The following MROH7 variants were observed in gnomAD, a reference collection of about 807,000 sequenced individuals.
The protein encoded by MROH7 is maestro heat-like repeat-containing protein family member 7.
In MROH7, 113 loss-of-function variants were observed where a neutral mutation model predicts 129.2. That is an observed-to-expected ratio of 0.87 (90% confidence interval 0.75 to 1.02). The LOEUF (loss-of-function observed/expected upper bound fraction) is 1.02. Among genes scored for constraint, MROH7 ranks in the 50% least tolerant of loss-of-function variants. The probability of loss-of-function intolerance (pLI) is 0.00; values close to 1 mark genes in which losing one functional copy is unlikely to be tolerated. For missense variants in MROH7, 1,601 were observed against 1,671.3 expected (o/e 0.96, Z 0.73); for synonymous variants, 655 against 667.9 (o/e 0.98, Z 0.30).
At chr1:54,708,923 A>T (rs574088743) in intron 22 of MROH7, 91 bp from the exon 23 acceptor site, 72 of 1,092,308 alleles carry the variant, frequency 6.6e-5, no homozygotes, top group Non-Finnish European at 9.5e-5. Context: ...ATAATGGGAA[A>T]AGCATCTCTG....
intron 17 of MROH7, among the ~76,000 whole-genome samples, chr1:54,696,402 C>T (rs1475221298): frequency 1.3e-5 from 2 of 152,150 alleles, no homozygotes; most frequent in East Asian, 3.9e-4. Flanking sequence ...TGTTATGCAA[C>T]CATCACCACC....
Position 54,653,858 on chromosome 1 carries a change from A to C in MROH7, c.932A>C (p.His311Pro). The C allele has an allele frequency of 1.9e-6, 3 of 1,613,766 alleles. No individual in the cohort carries two copies. Among genetic ancestry groups the C allele is most frequent in the Non-Finnish European group, 2.5e-6 (3 of 1,179,904 alleles). The stretch of plus-strand genomic sequence containing the variant: ...GGCTCCAGCTATGGTATCAGCCTGC[A>C]CTCCAGCACCCATGAGCCCAACTCC... ...IPGSSYGISL[H>P]SSTHEPNSTI... Residue 311 changes from histidine to proline, a missense_variant, in exon 3 of 24, where the codon CAC becomes CCC. Physicochemically the swap from His to Pro is moderately conservative, Grantham distance 77. Transcript: ENST00000421030.
At chr1:54,702,068 C>T (rs1302775975) in intron 19 of MROH7, 22 bp from the exon 20 acceptor site, 1 of 1,564,654 alleles carries the variant, frequency 6.4e-7, no homozygotes, top group African/African-American at 1.4e-5. Context: ...GGGACCCCCT[C>T]TGAGCCTTTG....
chr1:54,657,065 T>C (rs1467453164), intron 3 of MROH7, among the ~76,000 whole-genome samples: 1 of 150,834 alleles, frequency 6.6e-6, no homozygotes, highest in Non-Finnish European at 1.5e-5. Flanking sequence ...TTTTTTTTTT[T>C]TAGACATGAT....
At chr1:54,704,490 GT>G (rs934414001) in intron 21 of MROH7, among the ~76,000 whole-genome samples, 1 of 147,098 alleles carries the variant, frequency 6.8e-6, no homozygotes, top group Admixed American at 6.9e-5. Context: ...CTGGAGTGCA[GT>G]GAGTGGTGCG....
Position 54,700,462 on chromosome 1 carries a change from G to GA in MROH7, c.3105+1_3105+2insA. On this transcript the variant is annotated splice_donor_variant, in intron 18 of 23. Coordinates refer to ENST00000421030, the MANE Select transcript of MROH7 (RefSeq NM_001039464.4). LOFTEE classifies it high-confidence loss of function. ...CATCCTGGCCCGCAGGTCTGAGAAG[G>GA]TGAGTGGGAGGCAGAGGAAAGCCTG... 1 of 1,582,990 alleles carries GA rather than the reference G, an allele frequency of 6.3e-7. No homozygotes were observed. Among genetic ancestry groups the GA allele is most frequent in the Middle Eastern group, 1.7e-4 (1 of 5,836 alleles).
chr1:54,686,242 C>T lies in MROH7; in HGVS notation c.2521-16C>T. 5.6e-6 allele frequency: 9 copies of T among 1,600,228 alleles called. No homozygotes were observed. The South Asian group carries it at 6.7e-5, about 12-fold the overall frequency. ...ATGGGCCACGACATCCCAGCAGCCTCCCCTCTGCCCCATAGGCAGCCAGCG... is the reference window on the plus strand; with the variant it reads ...ATGGGCCACGACATCCCAGCAGCCTTCCCTCTGCCCCATAGGCAGCCAGCG... On this transcript the variant is annotated splice_polypyrimidine_tract_variant and intron_variant, in intron 14 of 23. Coordinates refer to ENST00000421030, the MANE Select transcript of MROH7 (RefSeq NM_001039464.4).
chr1:54,650,497 C>G (rs534730215), intron 1 of MROH7, among the ~76,000 whole-genome samples: 2 of 151,870 alleles, frequency 1.3e-5, no homozygotes, highest in South Asian at 4.2e-4. Context: ...CATTGCCCTT[C>G]TCTTATTTCC....
intron 15 of MROH7, among the ~76,000 whole-genome samples, chr1:54,691,277 A>G (rs1197774796): frequency 6.6e-6 from 1 of 152,174 alleles, no homozygotes; most frequent in African/African-American, 2.4e-5. Context: ...AGAAGCTTTT[A>G]TTTTCACACT....
In MROH7 at chr1:54,653,479, G is replaced by T; in HGVS notation, c.553G>T (p.Glu185Ter). Reference sequence around the variant, plus strand: ...CCCATTTATAAGGCACCATTCCAGAGAAGGTCTGGTTCTGGGCCACTGCAT... The same window carrying T: ...CCCATTTATAAGGCACCATTCCAGATAAGGTCTGGTTCTGGGCCACTGCAT... Reference protein sequence around the residue: ...LNPFIRHHSREGLVLGHCISR... With the variant: ...LNPFIRHHSR The change falls in exon 3 of 24, where the codon GAA (glutamate) becomes TAA (stop). Residue 185 changes from glutamate (E) to a stop codon, truncating the protein, a stop_gained. Coordinates refer to ENST00000421030, the MANE Select transcript of MROH7 (RefSeq NM_001039464.4). LOFTEE classifies it high-confidence loss of function. 5.0e-6 allele frequency: 8 copies of T among 1,614,182 alleles called. No individual in the cohort carries two copies. Among genetic ancestry groups the T allele is most frequent in the Middle Eastern group, 3.3e-4 (2 of 6,062 alleles).
chr1:54,676,814 T>G (rs1320619913), intron 10 of MROH7, among the ~76,000 whole-genome samples: 1 of 152,024 alleles, frequency 6.6e-6, no homozygotes, highest in Non-Finnish European at 1.5e-5. Context: ...GTTCAAGAGA[T>G]TCTCCTGCCT....
rs370163066 is a variant in MROH7 at position 54,655,531 on chromosome 1, A to C, written c.1231+1374A>C. Among the ~76,000 whole-genome samples, 640 of 150,912 alleles carry C rather than the reference A, an allele frequency of 4.2e-3. 6 individuals carry two copies. The highest frequency in any genetic ancestry group is 0.017 in the Middle Eastern group (5 of 294). ...GACTACAGGTGCACACCACACCACC[A>C]CACCTGAGTAATTTTATTTTTTATT... On this transcript the variant is annotated intron_variant, in intron 3 of 23. Transcript: ENST00000421030.
intron 1 of MROH7, among the ~76,000 whole-genome samples, chr1:54,650,799 T>C (rs1644542643): frequency 6.6e-6 from 1 of 151,800 alleles, no homozygotes; most frequent in Admixed American, 6.6e-5. Flanking sequence ...TCACAGCTCA[T>C]TGTAGCCTCA....
chr1:54,653,962 A>G lies in MROH7; in HGVS notation c.1036A>G (p.Ser346Gly). 6.2e-7 allele frequency: 1 copy of G among 1,614,168 alleles called. No homozygotes were observed. The change falls in exon 3 of 24, where the codon AGC becomes GGC. Residue 346 changes from serine to glycine, a missense_variant. Ser to Gly is a moderately conservative substitution (Grantham distance 56). Coordinates refer to ENST00000421030, the MANE Select transcript of MROH7 (RefSeq NM_001039464.4). Reference protein sequence around the residue: ...TLSLDSSLLFSDTSTLTLSSQ... With the variant: ...TLSLDSSLLFGDTSTLTLSSQ... ...GAGCCTGGACTCCAGCCTCCTGTTC[A>G]GCGACACCTCCACCTTGACGCTGAG...
chr1:54,699,102 C>CTTTCTTTCTTTCT (rs1645373437), intron 17 of MROH7: 1 of 50,642 alleles, frequency 2.0e-5, no homozygotes, highest in Non-Finnish European at 4.6e-5. Flanking sequence ...CCTTTTCTTT[C>CTTTCTTTCTTTCT]TTTCTTTCTT....
chr1:54,701,087 C>G, intron 18 of MROH7, 56 bp from the exon 19 acceptor site: 1 of 1,577,198 alleles, frequency 6.3e-7, no homozygotes, highest in Non-Finnish European at 8.7e-7. Context: ...GGCTGGGTCT[C>G]TTCCTACTTG....
chr1:54,686,407 C>T lies in MROH7; in HGVS notation c.2670C>T (p.Asp890=). 1 of 1,614,178 alleles carries T rather than the reference C, an allele frequency of 6.2e-7. No individual in the cohort carries two copies. Among genetic ancestry groups the T allele is most frequent in the Non-Finnish European group, 8.5e-7 (1 of 1,180,044 alleles). Residue 890 remains aspartate (D), a synonymous_variant, in exon 15 of 24, where the codon GAC becomes GAT. Transcript: ENST00000421030. ...NLPGCVAPPK[D]TKKGAQPSPF... ...CTGGCTGCGTGGCTCCTCCCAAGGA[C>T]ACCAAGAAGGGTGCACAGCCCTCTC...
At position 54,700,320 on chromosome 1, in the gene MROH7, G is replaced by A. The variant is rs1645413315; in HGVS notation, c.2965-1G>A. 5 of 1,614,130 alleles carry A rather than the reference G, an allele frequency of 3.1e-6. No individual in the cohort carries two copies. The East Asian group carries it at 1.1e-4, about 36-fold the overall frequency. Reference sequence around the variant, plus strand: ...GAAGTAATGACCCTTTGCTCCCTCAGCTCCTCCAGATGGAGCAGGTGCGCC... The same window carrying A: ...GAAGTAATGACCCTTTGCTCCCTCAACTCCTCCAGATGGAGCAGGTGCGCC... On this transcript the variant is annotated splice_acceptor_variant, in intron 17 of 23. Transcript: ENST00000421030. LOFTEE classifies it high-confidence loss of function.
At chr1:54,654,234 G>A in intron 3 of MROH7, 77 bp downstream of exon 3, 2 of 1,376,684 alleles carry the variant, frequency 1.5e-6, no homozygotes, top group Non-Finnish European at 1.9e-6. Flanking sequence ...GGCAGGGAGA[G>A]GAGAAGGAAG....
Sources: allele counts gnomAD v4.1 joint callset (sites outside exome capture counted in the v4.1 genomes callset), GRCh38; gene constraint gnomAD v4.1.1; transcripts MANE v1.5; gene names NCBI Gene and HGNC (gene_info 2026-07-23, HGNC 2026-07-21).